PKNOX2: variants seen among roughly 807,000 people sequenced by gnomAD.
The protein encoded by PKNOX2 is homeobox protein PKNOX2.
A neutral mutation model predicts 53.1 loss-of-function variants in PKNOX2; 14 were observed. That is an observed-to-expected ratio of 0.26 (90% CI 0.17 to 0.41). The LOEUF (loss-of-function observed/expected upper bound fraction) is 0.41, where lower values mean the gene tolerates loss of function less well. Among genes scored for constraint, PKNOX2 ranks in the 10% least tolerant of loss-of-function variants. PKNOX2 has a pLI of 1.00. For synonymous variants in PKNOX2, 257 were observed against 242.8 expected, an observed-to-expected ratio of 1.06 and a Z score of -0.54; for missense variants, 496 against 602.8, an observed-to-expected ratio of 0.82 and a Z score of 1.85.
chr11:125,289,577 C>A (rs781402136), intron 2 of PKNOX2, among the ~76,000 whole-genome samples: 9 of 152,200 alleles, frequency 5.9e-5, no homozygotes, highest in Non-Finnish European at 1.2e-4. Context: ...TTCACTCTCT[C>A]CCTGAGCTTT....
At chr11:125,295,211 G>A (rs12289775) in intron 2 of PKNOX2, among the ~76,000 whole-genome samples, 25,221 of 152,128 alleles carry the variant, frequency 0.17, 2,235 homozygotes, top group East Asian at 0.24. Context: ...TAGGACAACC[G>A]TGATGCCCCT....
intron 1 of PKNOX2, among the ~76,000 whole-genome samples, chr11:125,234,789 A>G (rs1490902173): frequency 6.6e-6 from 1 of 152,154 alleles, no homozygotes; most frequent in Non-Finnish European, 1.5e-5. Flanking sequence ...TACAAGCCCT[A>G]TGAAATGGAG....
At chr11:125,228,594 A>C (rs935610662) in intron 1 of PKNOX2, among the ~76,000 whole-genome samples, 1 of 152,046 alleles carries the variant, frequency 6.6e-6, no homozygotes. Context: ...CCTTGCACTG[A>C]ATGTTTCTGG....
intron 1 of PKNOX2, among the ~76,000 whole-genome samples, chr11:125,171,044 G>C (rs181816354): frequency 2.2e-3 from 332 of 152,272 alleles, no homozygotes; most frequent in Non-Finnish European, 4.0e-3. Flanking sequence ...AGGTCACAGG[G>C]CACTGAGGCT....
At chr11:125,269,406 T>G (rs1300614660) in intron 2 of PKNOX2, among the ~76,000 whole-genome samples, 1 of 152,226 alleles carries the variant, frequency 6.6e-6, no homozygotes, top group African/African-American at 2.4e-5. Flanking sequence ...TTAATGCTGT[T>G]ACAAACACAT....
chr11:125,293,231 T>G (rs1157783603), intron 2 of PKNOX2, among the ~76,000 whole-genome samples: 2 of 152,138 alleles, frequency 1.3e-5, no homozygotes, highest in African/African-American at 2.4e-5. Context: ...TATACATATA[T>G]AATCCATACT....
chr11:125,178,676 AAGAGAGAGAGAGAGAGAGAG>A (rs55812201), intron 1 of PKNOX2, among the ~76,000 whole-genome samples: 5 of 98,810 alleles, frequency 5.1e-5, no homozygotes, highest in African/African-American at 2.2e-4. Flanking sequence ...GAAGGAAAGA[AAGAGAGAGAGAGAGAGAGAG>A]AGAAAGAAAG....
At position 125,303,513 on chromosome 11, in the gene PKNOX2, G is replaced by A. The variant is rs565332499; in HGVS notation, c.-129-28306G>A. Among the ~76,000 whole-genome samples the A allele has an allele frequency of 1.1e-4, 17 of 152,228 alleles. 1 individual carries two copies. The South Asian group carries it at 2.5e-3, about 22-fold the overall frequency. ...ATACGTGGATGGTGAGCTCTCTGGC[G>A]CTGCCTGGGCCTCTTTCCCTGTGGA... is the stretch of plus-strand genomic sequence containing the variant. On this transcript the variant is annotated intron_variant, in intron 2 of 12. Coordinates refer to ENST00000298282, the MANE Select transcript of PKNOX2 (RefSeq NM_001382323.2).
chr11:125,313,076 A>G (rs1256318687), intron 2 of PKNOX2, among the ~76,000 whole-genome samples: 2 of 152,074 alleles, frequency 1.3e-5, no homozygotes, highest in South Asian at 2.1e-4. Context: ...GACAGCAGGG[A>G]TGGGAAGCAG....
intron 1 of PKNOX2, among the ~76,000 whole-genome samples, chr11:125,168,450 T>C (rs528983222): frequency 2.0e-5 from 3 of 152,362 alleles, no homozygotes; most frequent in African/African-American, 7.2e-5. Flanking sequence ...ATAAACACAT[T>C]TGAAGTAAGT....
At chr11:125,204,383 T>G (rs1938819447) in intron 1 of PKNOX2, among the ~76,000 whole-genome samples, 1 of 152,204 alleles carries the variant, frequency 6.6e-6, no homozygotes, top group Non-Finnish European at 1.5e-5. Context: ...AGATTCTGTG[T>G]TGAACAGGCT....
intron 5 of PKNOX2, among the ~76,000 whole-genome samples, chr11:125,380,791 C>T (rs550306923): frequency 3.9e-5 from 6 of 152,358 alleles, no homozygotes; most frequent in South Asian, 4.1e-4. Context: ...TGGCAGCTCT[C>T]ATGGGCTCTG....
At chr11:125,357,344 C>T (rs1951674728) in intron 4 of PKNOX2, among the ~76,000 whole-genome samples, 1 of 152,090 alleles carries the variant, frequency 6.6e-6, no homozygotes, top group African/African-American at 2.4e-5. Flanking sequence ...GGCCTTTATG[C>T]CCATGTAGGA....
At chr11:125,369,619 T>C (rs1161043064) in intron 5 of PKNOX2, among the ~76,000 whole-genome samples, 33 of 152,036 alleles carry the variant, frequency 2.2e-4, no homozygotes, top group Admixed American at 2.1e-3. Context: ...GAGGAGGCAA[T>C]ATTTGAGTTT....
At chr11:125,227,281 C>T (rs923016060) in intron 1 of PKNOX2, among the ~76,000 whole-genome samples, 5 of 152,074 alleles carry the variant, frequency 3.3e-5, no homozygotes, top group Admixed American at 6.6e-5. Context: ...TAAGTATATT[C>T]GCATTGTTGT....
chr11:125,291,634 C>T (rs1156500827), intron 2 of PKNOX2, among the ~76,000 whole-genome samples: 1 of 152,196 alleles, frequency 6.6e-6, no homozygotes, highest in Non-Finnish European at 1.5e-5. Flanking sequence ...CATCATTACT[C>T]ATGGTAGCCA....
chr11:125,348,997 A>G (rs1041226387), intron 3 of PKNOX2, among the ~76,000 whole-genome samples: 3 of 151,998 alleles, frequency 2.0e-5, no homozygotes, highest in Admixed American at 1.3e-4. Context: ...CTGGCGGACG[A>G]GCATCTGTGA....
intron 1 of PKNOX2, among the ~76,000 whole-genome samples, chr11:125,230,407 A>T (rs898745817): frequency 6.6e-5 from 10 of 152,206 alleles, no homozygotes; most frequent in Non-Finnish European, 1.5e-4. Flanking sequence ...GGTGGAACAG[A>T]GCAGGGACTC....
intron 2 of PKNOX2, among the ~76,000 whole-genome samples, chr11:125,287,558 G>C (rs1363841140): frequency 6.6e-6 from 1 of 152,148 alleles, no homozygotes; most frequent in Non-Finnish European, 1.5e-5. Flanking sequence ...GTCTTTAGCT[G>C]GGGCAGTCAC....
Sources: allele counts gnomAD v4.1 joint callset (sites outside exome capture counted in the v4.1 genomes callset), GRCh38; gene constraint gnomAD v4.1.1; transcripts MANE v1.5; gene names NCBI Gene and HGNC (gene_info 2026-07-23, HGNC 2026-07-21).